RYR3: variants seen among roughly 807,000 people sequenced by gnomAD.
RYR3 encodes ryanodine receptor 3, also known as brain ryanodine receptor-calcium release channel.
In RYR3, 207 loss-of-function variants were observed where a neutral mutation model predicts 584.3. The ratio of observed to expected loss-of-function variants is 0.35; its 90% confidence interval spans 0.32 to 0.40. RYR3 has a LOEUF of 0.40. RYR3 is among the 10% of genes least tolerant of loss of function. The pLI is 1.00. For missense variants in RYR3, 5,616 were observed against 6,089.2 expected, an observed-to-expected ratio of 0.92 and a Z score of 2.59; for synonymous variants, 2,416 against 2,248.5, an observed-to-expected ratio of 1.07 and a Z score of -2.11.
intron 1 of RYR3, among the ~76,000 whole-genome samples, chr15:33,437,196 G>T (rs1271594367): frequency 2.0e-5 from 3 of 152,050 alleles, no homozygotes; most frequent in African/African-American, 7.2e-5. Context: ...AAAAAATAGT[G>T]GCCTATTAAG....
At chr15:33,355,832 C>G (rs1973895818) in intron 1 of RYR3, among the ~76,000 whole-genome samples, 1 of 152,172 alleles carries the variant, frequency 6.6e-6, no homozygotes, top group Non-Finnish European at 1.5e-5. Flanking sequence ...TCTGTCTGAT[C>G]CCTATACTCC....
Position 33,328,757 on chromosome 15 carries a change from C to A in RYR3, c.51+17661C>A, listed in dbSNP as rs149869887. Among the ~76,000 whole-genome samples, 1,020 of 152,270 alleles carry A rather than the reference C, an allele frequency of 6.7e-3. 8 individuals are homozygous for A. The highest frequency in any genetic ancestry group is 0.023 in the African/African-American group (970 of 41,550). On this transcript the variant is annotated intron_variant, in intron 1 of 103. Coordinates refer to ENST00000634891, the MANE Select transcript of RYR3 (RefSeq NM_001036.6). ...GTAACCTTTTAATAAGCCCAGACCT[C>A]GCATTTATTCAAATATGTCTAAACT... is the stretch of plus-strand genomic sequence containing the variant.
chr15:33,655,427 AT>A (rs772926772), intron 32 of RYR3, among the ~76,000 whole-genome samples: 6 of 152,206 alleles, frequency 3.9e-5, no homozygotes, highest in African/African-American at 1.4e-4. Flanking sequence ...TTCAAAAAAA[AT>A]AATTAATTTT....
chr15:33,390,982 G>A lies in RYR3; in HGVS notation c.51+79886G>A, dbSNP rs887830385. Among the ~76,000 whole-genome samples the A allele has an allele frequency of 1.3e-5, 2 of 152,158 alleles. No individual in the cohort carries two copies. The highest frequency in any genetic ancestry group is 4.8e-5 in the African/African-American group (2 of 41,440). Reference sequence around the variant, plus strand: ...TGTCTTTCCCTTATGATCCAGCTGTGTATTCTTACTATGTGGCTATAATAA... The same window carrying A: ...TGTCTTTCCCTTATGATCCAGCTGTATATTCTTACTATGTGGCTATAATAA... On this transcript the variant is annotated intron_variant, in intron 1 of 103. Coordinates refer to ENST00000634891, the MANE Select transcript of RYR3 (RefSeq NM_001036.6). The surrounding 1 kb of genome is among the most constrained non-coding windows in gnomAD (Gnocchi z 4.2).
intron 2 of RYR3, among the ~76,000 whole-genome samples, chr15:33,474,983 G>C (rs767717814): frequency 2.0e-5 from 3 of 152,138 alleles, no homozygotes; most frequent in African/African-American, 4.8e-5. Context: ...TCTTTTTAAA[G>C]ATCTTTGACT....
At chr15:33,400,581 C>T (rs2042591949) in intron 1 of RYR3, among the ~76,000 whole-genome samples, 1 of 152,006 alleles carries the variant, frequency 6.6e-6, no homozygotes. Flanking sequence ...TTCGTGGAGA[C>T]TTTCTTCCTT....
At position 33,596,394 on chromosome 15, in the gene RYR3, T is replaced by G. The variant is rs181151237; in HGVS notation, c.1789-5025T>G. Among the ~76,000 whole-genome samples, 13 of 151,914 alleles carry G rather than the reference T, an allele frequency of 8.6e-5. No homozygotes were observed. The East Asian group carries it at 2.3e-3, about 27-fold the overall frequency. Reference sequence around the variant, plus strand: ...GTTTACCTAGATTATTCACGAAAACTGTGACAGTCATTATTTAAAGTTATA... The same window carrying G: ...GTTTACCTAGATTATTCACGAAAACGGTGACAGTCATTATTTAAAGTTATA... On this transcript the variant is annotated intron_variant, in intron 16 of 103. Coordinates refer to ENST00000634891, the MANE Select transcript of RYR3 (RefSeq NM_001036.6).
intron 46 of RYR3, among the ~76,000 whole-genome samples, chr15:33,727,811 G>A (rs1016649761): frequency 1.3e-5 from 2 of 152,140 alleles, no homozygotes; most frequent in African/African-American, 4.8e-5. Flanking sequence ...TGCTCATTTG[G>A]GGGTCCTCTT....
intron 60 of RYR3, among the ~76,000 whole-genome samples, chr15:33,762,179 C>T (rs1205996409): frequency 6.6e-6 from 1 of 152,146 alleles, no homozygotes; most frequent in African/African-American, 2.4e-5. Flanking sequence ...GGAAGCATTC[C>T]CTTAGAAAAC....
intron 38 of RYR3, among the ~76,000 whole-genome samples, chr15:33,687,631 G>C (rs2065108580): frequency 2.0e-5 from 3 of 152,186 alleles, no homozygotes; most frequent in African/African-American, 7.2e-5. Context: ...AAAGAACTAA[G>C]CTGGAGGCAT....
intron 6 of RYR3, among the ~76,000 whole-genome samples, chr15:33,539,815 TAAGG>T (rs750181850): frequency 3.9e-5 from 6 of 152,036 alleles, no homozygotes; most frequent in Non-Finnish European, 8.8e-5. Flanking sequence ...AAGGAAATCA[TAAGG>T]AAGAGAAAGT....
chr15:33,432,468 C>T (rs1038080924), intron 1 of RYR3, among the ~76,000 whole-genome samples: 1 of 151,980 alleles, frequency 6.6e-6, no homozygotes, highest in African/African-American at 2.4e-5. Context: ...CTGAGTTTTG[C>T]AGCACTGTTG....
intron 8 of RYR3, 46 bp from the exon 9 acceptor site, chr15:33,548,083 TG>T (rs1239098505): frequency 7.3e-7 from 1 of 1,376,394 alleles, no homozygotes; most frequent in Non-Finnish European, 1.0e-6. Context: ...ACCCGGGTGC[TG>T]ATCAGTGTCA....
intron 66 of RYR3, among the ~76,000 whole-genome samples, chr15:33,786,444 C>T (rs185931762): frequency 6.6e-6 from 1 of 151,592 alleles, no homozygotes; most frequent in African/African-American, 2.4e-5. Flanking sequence ...TTCTAAGACA[C>T]TGTCTCATGC....
Position 33,794,043 on chromosome 15 carries a change from C to A in RYR3, c.9830+5585C>A, listed in dbSNP as rs771860695. On this transcript the variant is annotated intron_variant, in intron 67 of 103. Transcript: ENST00000634891. ...TTATATATAAATATATACATAAATA[C>A]ATATATATAAATATATACATAAATA... Among the ~76,000 whole-genome samples the A allele has an allele frequency of 6.6e-3, 233 of 35,288 alleles. No homozygotes were observed. The East Asian group carries it at 0.089, about 13-fold the overall frequency. 23.2% of individuals were successfully genotyped at this position (35,288 alleles called of 152,430 possible). A position where few individuals can be genotyped will look rare whatever the true frequency, so the allele number is the denominator to read the frequency against.
At chr15:33,571,722 C>A (rs905238120) in intron 12 of RYR3, among the ~76,000 whole-genome samples, 1 of 152,104 alleles carries the variant, frequency 6.6e-6, no homozygotes, top group Non-Finnish European at 1.5e-5. Context: ...GTAGACAACA[C>A]ATATTTGATT....
intron 76 of RYR3, 115 bp downstream of exon 76, chr15:33,818,799 C>T (rs942345202): frequency 2.8e-6 from 2 of 717,204 alleles, no homozygotes; most frequent in African/African-American, 3.5e-5. Flanking sequence ...TTTGAGCAGC[C>T]CTCCTTGCTG....
At chr15:33,559,417 C>T (rs966003047) in intron 10 of RYR3, among the ~76,000 whole-genome samples, 37 of 152,172 alleles carry the variant, frequency 2.4e-4, no homozygotes, top group Non-Finnish European at 1.8e-4. Flanking sequence ...CAACAGGAGA[C>T]GTGCCACACC....
chr15:33,548,109 G>C (rs765366307), intron 8 of RYR3, 21 bp from the exon 9 acceptor site: 15 of 1,591,582 alleles, frequency 9.4e-6, no homozygotes, highest in Non-Finnish European at 1.2e-5. Flanking sequence ...AGTAGGAGCT[G>C]ATCTCCAACT....
Sources: gnomAD v4.1 joint callset for allele counts (sites outside exome capture counted in the v4.1 genomes callset) on GRCh38, gnomAD v4.1.1 for gene constraint, Gnocchi (gnomAD v3.1) non-coding constraint, MANE v1.5 for transcripts, NCBI Gene and HGNC (gene_info 2026-07-23, HGNC 2026-07-21) for gene names.